Variants in PCDH15 observed in about 807,000 individuals in gnomAD.
The protein encoded by PCDH15 is protocadherin-15.
Under a neutral mutation model 178.5 loss-of-function variants are expected in PCDH15, and 129 were observed. The ratio of observed to expected loss-of-function variants is 0.72; its 90% CI spans 0.63 to 0.84. The LOEUF (loss-of-function observed/expected upper bound fraction) is 0.84, where lower values mean the gene tolerates loss of function less well. PCDH15 is among the 40% of genes least tolerant of loss of function. The probability of loss-of-function intolerance (pLI) is 0.00; values close to 1 mark genes in which losing one functional copy is unlikely to be tolerated. For synonymous variants in PCDH15, 800 were observed against 732.0 expected, an observed-to-expected ratio of 1.09 and a Z score of -1.50; for missense variants, 2,230 against 2,099.9, an observed-to-expected ratio of 1.06 and a Z score of -1.21.
intron 8 of PCDH15, among the ~76,000 whole-genome samples, chr10:54,262,029 T>C (rs377164288): frequency 4.6e-5 from 7 of 151,804 alleles, no homozygotes; most frequent in African/African-American, 1.7e-4. Flanking sequence ...AAGGAAGGGG[T>C]GAGTGAAGGA....
chr10:55,072,802 C>G (rs1222377545), intron 2 of PCDH15, among the ~76,000 whole-genome samples: 27 of 151,462 alleles, frequency 1.8e-4, no homozygotes, highest in East Asian at 1.8e-3. Context: ...CCAAAAAAGA[C>G]AATTTTAGAC....
chr10:54,006,335 C>T (rs1474527861), intron 20 of PCDH15, among the ~76,000 whole-genome samples: 1 of 152,082 alleles, frequency 6.6e-6, no homozygotes, highest in Admixed American at 6.5e-5. Flanking sequence ...ATTTGAAAGC[C>T]ATACTTCAAA....
At chr10:55,105,313 A>G (rs553497418) in intron 2 of PCDH15, among the ~76,000 whole-genome samples, 2 of 152,258 alleles carry the variant, frequency 1.3e-5, no homozygotes, top group Non-Finnish European at 1.5e-5. Flanking sequence ...GTAAATCTCC[A>G]AAAAGTTTTC....
At chr10:55,453,078 T>C (rs1017669465) in intron 2 of PCDH15, among the ~76,000 whole-genome samples, 1 of 152,204 alleles carries the variant, frequency 6.6e-6, no homozygotes, top group Non-Finnish European at 1.5e-5. Context: ...ATGTATTCAT[T>C]GTCATATCTA....
chr10:55,575,761 G>A (rs1297593077), intron 2 of PCDH15: 1 of 152,160 alleles, frequency 6.6e-6, no homozygotes, highest in Non-Finnish European at 1.5e-5. Flanking sequence ...GACACTTGGA[G>A]GAAATTCACG....
intron 18 of PCDH15, among the ~76,000 whole-genome samples, chr10:54,061,853 C>G (rs17643506): frequency 0.19 from 29,064 of 151,926 alleles, 2,966 homozygotes; most frequent in Non-Finnish European, 0.23. Context: ...CTGGATAAAA[C>G]TTTTTGCTAT....
At chr10:54,959,968 G>A (rs1838599632) in intron 2 of PCDH15, among the ~76,000 whole-genome samples, 1 of 152,074 alleles carries the variant, frequency 6.6e-6, no homozygotes. Context: ...CAGAAAGGCT[G>A]GGAAAGATCA....
intron 1 of PCDH15, among the ~76,000 whole-genome samples, chr10:54,676,006 C>G (rs1346815535): frequency 1.3e-5 from 2 of 152,064 alleles, no homozygotes; most frequent in Admixed American, 6.6e-5. Flanking sequence ...GCTGAATATG[C>G]AAGGATCGAT....
intron 25 of PCDH15, among the ~76,000 whole-genome samples, chr10:53,921,257 A>T (rs966732359): frequency 1.3e-5 from 2 of 152,200 alleles, no homozygotes; most frequent in African/African-American, 4.8e-5. Flanking sequence ...CACTAGTCAC[A>T]GTATAAATGG....
At chr10:55,473,482 C>T (rs10825523) in intron 2 of PCDH15, among the ~76,000 whole-genome samples, 110,423 of 152,084 alleles carry the variant, frequency 0.73, 40,719 homozygotes, top group East Asian at 0.99. Context: ...TCTAATGTAA[C>T]CATTAAAACA....
chr10:55,158,176 A>G (rs1278698216), intron 2 of PCDH15, among the ~76,000 whole-genome samples: 1 of 151,746 alleles, frequency 6.6e-6, no homozygotes, highest in Admixed American at 6.6e-5. Context: ...ACACACGCAC[A>G]CACATTTGTA....
At chr10:55,156,051 C>T (rs1838452) in intron 2 of PCDH15, among the ~76,000 whole-genome samples, 81,955 of 151,884 alleles carry the variant, frequency 0.54, 23,873 homozygotes, top group Non-Finnish European at 0.65. Context: ...ACGAAGAGAA[C>T]AATGATTTCC....
intron 2 of PCDH15, among the ~76,000 whole-genome samples, chr10:55,136,066 C>T (rs527685499): frequency 6.6e-6 from 1 of 152,048 alleles, no homozygotes; most frequent in Non-Finnish European, 1.5e-5. Context: ...TGGGCTTATA[C>T]ATTTGTAACA....
intron 3 of PCDH15, among the ~76,000 whole-genome samples, chr10:54,847,741 T>C (rs1404475916): frequency 1.3e-5 from 2 of 152,218 alleles, no homozygotes; most frequent in African/African-American, 4.8e-5. Context: ...TGTGGTTGAA[T>C]AAATGTGTAT....
intron 1 of PCDH15, among the ~76,000 whole-genome samples, chr10:54,699,747 A>G (rs1405506640): frequency 6.6e-6 from 1 of 152,024 alleles, no homozygotes; most frequent in Non-Finnish European, 1.5e-5. Context: ...CCATTAATGC[A>G]TTTTAATAAC....
chr10:54,223,350 C>T (rs975054827), intron 9 of PCDH15, among the ~76,000 whole-genome samples: 2 of 145,438 alleles, frequency 1.4e-5, no homozygotes, highest in Non-Finnish European at 3.0e-5. Context: ...ACCCTAAGGT[C>T]ATAAAAATCT....
In PCDH15 at chr10:55,200,872, A is replaced by C. The variant is rs113371308; in HGVS notation, c.-155-34221T>G. Among the ~76,000 whole-genome samples, 807 of 152,126 alleles carry C rather than the reference A, an allele frequency of 5.3e-3. 13 individuals carry two copies. Among genetic ancestry groups the C allele is most frequent in the African/African-American group, 0.018 (762 of 41,446 alleles). ...GGCTTCCCCTTCCCCTTCTGCCATG[A>C]TTATAAGTTTCCTGAAGCCTCCCTG... On this transcript the variant is annotated intron_variant, in intron 1 of 5. Transcript: ENST00000458638.
chr10:54,696,253 T>G (rs2095221456), intron 1 of PCDH15, among the ~76,000 whole-genome samples: 2 of 152,078 alleles, frequency 1.3e-5, no homozygotes, highest in Non-Finnish European at 2.9e-5. Flanking sequence ...GACTTCAGTG[T>G]AGATAATACC....
At chr10:53,953,461 A>G (rs1055743496) in intron 23 of PCDH15, among the ~76,000 whole-genome samples, 1 of 152,198 alleles carries the variant, frequency 6.6e-6, no homozygotes, top group South Asian at 2.1e-4. Flanking sequence ...CCATTATAAA[A>G]GTAAACATAT....
Sources: gnomAD v4.1 joint callset for allele counts (sites outside exome capture counted in the v4.1 genomes callset) on GRCh38, gnomAD v4.1.1 for gene constraint, MANE v1.5 for transcripts, NCBI Gene and HGNC (gene_info 2026-07-23, HGNC 2026-07-21) for gene names.